Variants in RYR2 observed in about 807,000 individuals in gnomAD.
The protein encoded by RYR2 is ryanodine receptor 2, also known as cardiac muscle ryanodine receptor-calcium release channel.
A neutral mutation model predicts 601.1 loss-of-function variants in RYR2; 227 were observed. The ratio of observed to expected loss-of-function variants is 0.38; its 90% CI spans 0.34 to 0.42. The LOEUF is 0.42. RYR2 is among the 10% of genes least tolerant of loss of function. The pLI is 1.00. For missense variants in RYR2, 4,646 were observed against 6,156.5 expected, an observed-to-expected ratio of 0.75 and a Z score of 8.21; for synonymous variants, 2,223 against 2,175.1, an observed-to-expected ratio of 1.02 and a Z score of -0.61.
chr1:237,182,364 C>T (rs1678868884), intron 1 of RYR2, among the ~76,000 whole-genome samples: 1 of 152,084 alleles, frequency 6.6e-6, no homozygotes, highest in African/African-American at 2.4e-5. Context: ...TCGTGATCCA[C>T]CTGCCTCGGC....
intron 73 of RYR2, among the ~76,000 whole-genome samples, chr1:237,719,877 T>TTCCACATGAGATTTGGGCAGGGACACAGA (rs1364739116): frequency 3.3e-5 from 5 of 152,202 alleles, no homozygotes; most frequent in African/African-American, 1.2e-4. Context: ...AGGATTACAT[T>TTCCACATGAGATTTGGGCAGGGACACAGA]TCCACATGAG....
At chr1:237,767,956 C>T (rs1198073885) in intron 84 of RYR2, among the ~76,000 whole-genome samples, 1 of 152,114 alleles carries the variant, frequency 6.6e-6, no homozygotes, top group African/African-American at 2.4e-5. Flanking sequence ...TCATGAATCA[C>T]CTTTTACCTG....
intron 94 of RYR2, 52 bp from the exon 95 acceptor site, chr1:237,793,815 G>T (rs1658747593): frequency 7.1e-7 from 1 of 1,401,464 alleles, no homozygotes; most frequent in Non-Finnish European, 9.9e-7. Flanking sequence ...GTGACCACAA[G>T]ATATGCCAGT....
At chr1:237,681,587 A>T (rs1443636607) in intron 62 of RYR2, among the ~76,000 whole-genome samples, 1 of 152,190 alleles carries the variant, frequency 6.6e-6, no homozygotes, top group African/African-American at 2.4e-5. Context: ...ATTTTCCTAT[A>T]AAATTGATTA....
chr1:237,826,791 A>G (rs1185588537), intron 101 of RYR2, among the ~76,000 whole-genome samples: 2 of 152,092 alleles, frequency 1.3e-5, no homozygotes, highest in African/African-American at 4.8e-5. Flanking sequence ...CATTTCACCA[A>G]CCTTATGAGA....
intron 27 of RYR2, among the ~76,000 whole-genome samples, chr1:237,562,704 A>G (rs1428628167): frequency 6.6e-6 from 1 of 152,226 alleles, no homozygotes; most frequent in Non-Finnish European, 1.5e-5. Context: ...TTATAACAGT[A>G]TAAAAATCAC....
At chr1:237,342,807 A>T (rs567842812) in intron 3 of RYR2, among the ~76,000 whole-genome samples, 3 of 152,338 alleles carry the variant, frequency 2.0e-5, no homozygotes, top group African/African-American at 7.2e-5. Context: ...CAGCAAGAAC[A>T]CACAGAATGG....
intron 29 of RYR2, among the ~76,000 whole-genome samples, chr1:237,571,114 T>A (rs1205862508): frequency 6.6e-6 from 1 of 152,044 alleles, no homozygotes; most frequent in Non-Finnish European, 1.5e-5. Flanking sequence ...GGTGACAGAG[T>A]GAGACCTTGT....
At position 237,050,565 on chromosome 1, in the gene RYR2, G is replaced by C. The variant is rs541189713; in HGVS notation, c.48+7996G>C. Among the ~76,000 whole-genome samples the C allele has an allele frequency of 2.4e-4, 37 of 152,244 alleles. 1 individual carries two copies. Among genetic ancestry groups the C allele is most frequent in the African/African-American group, 8.7e-4 (36 of 41,554 alleles). ...CATTTTTGGTATTTTAAGAGTTTTT[G>C]CACATTTATTCTGCTTCTAATGAAG... On this transcript the variant is annotated intron_variant, in intron 1 of 104. Transcript: ENST00000366574.
Position 237,099,106 on chromosome 1 carries a change from G to T in RYR2, c.48+56537G>T, listed in dbSNP as rs913508143. 4.7e-5 allele frequency among the ~76,000 whole-genome samples: 7 copies of T among 150,058 alleles called. No homozygotes were observed. In the East Asian group the frequency reaches 1.4e-3, roughly 29 times the overall value. On this transcript the variant is annotated intron_variant, in intron 1 of 104. Transcript: ENST00000366574. ...CAGCAGTGAGAAGGTAGTGTGAACG[G>T]AAAAAAAAAAACCCAGGAAATTCAA... is the stretch of plus-strand genomic sequence containing the variant.
intron 24 of RYR2, among the ~76,000 whole-genome samples, chr1:237,514,619 A>G (rs556755647): frequency 6.6e-6 from 1 of 152,260 alleles, no homozygotes; most frequent in Non-Finnish European, 1.5e-5. Context: ...CTTTCTTCCT[A>G]TATTTCCTTT....
At chr1:237,088,873 A>G (rs1411124131) in intron 1 of RYR2, among the ~76,000 whole-genome samples, 1 of 152,238 alleles carries the variant, frequency 6.6e-6, no homozygotes, top group East Asian at 1.9e-4. Flanking sequence ...CAGTATTCAG[A>G]GACAACATTT....
intron 1 of RYR2, among the ~76,000 whole-genome samples, chr1:237,161,747 A>T (rs1214872915): frequency 6.6e-6 from 1 of 152,212 alleles, no homozygotes; most frequent in African/African-American, 2.4e-5. Context: ...CTATGTGCTG[A>T]TGATACAGTG....
At chr1:237,198,923 C>T (rs1680869266) in intron 1 of RYR2, among the ~76,000 whole-genome samples, 1 of 151,772 alleles carries the variant, frequency 6.6e-6, no homozygotes, top group Non-Finnish European at 1.5e-5. Flanking sequence ...AAATTATAGG[C>T]TAACCACTTT....
chr1:237,531,845 G>A (rs75796764), intron 25 of RYR2, among the ~76,000 whole-genome samples: 365 of 152,158 alleles, frequency 2.4e-3, no homozygotes, highest in African/African-American at 7.9e-3. Flanking sequence ...TATCTTATGA[G>A]CACAGACCAC....
intron 1 of RYR2, among the ~76,000 whole-genome samples, chr1:237,237,406 G>C (rs1361095837): frequency 4.6e-5 from 7 of 152,104 alleles, no homozygotes; most frequent in Admixed American, 1.3e-4. Flanking sequence ...CTCGCTCTAG[G>C]CCAGAGGACC....
chr1:237,778,890 G>A (rs1199326953), intron 88 of RYR2, 120 bp downstream of exon 88: 2 of 521,140 alleles, frequency 3.8e-6, no homozygotes, highest in African/African-American at 3.9e-5. Flanking sequence ...TTTATCACTT[G>A]TCTTTTTAAG....
At chr1:237,495,041 A>G (rs568234985) in intron 19 of RYR2, among the ~76,000 whole-genome samples, 38 of 152,222 alleles carry the variant, frequency 2.5e-4, no homozygotes, top group Middle Eastern at 3.4e-3. Context: ...CGCCCGCCTT[A>G]GCCTCCCAAA....
chr1:237,780,576 G>A (rs985435659), intron 88 of RYR2, among the ~76,000 whole-genome samples: 2 of 152,114 alleles, frequency 1.3e-5, no homozygotes, highest in Non-Finnish European at 2.9e-5. Context: ...AGTATGATCC[G>A]TATTTCCAGG....
Sources: allele counts gnomAD v4.1 joint callset (sites outside exome capture counted in the v4.1 genomes callset), GRCh38; gene constraint gnomAD v4.1.1; transcripts MANE v1.5; gene names NCBI Gene and HGNC (gene_info 2026-07-23, HGNC 2026-07-21).